AHCTF1: variants seen among roughly 807,000 people sequenced by gnomAD.
The protein encoded by AHCTF1 is AT-hook containing transcription factor 1, also known as protein ELYS.
AHCTF1 carries 24 observed loss-of-function variants against 248.4 expected under a neutral mutation model. The ratio of observed to expected loss-of-function variants is 0.10; its 90% CI spans 0.07 to 0.14. The LOEUF is 0.14. AHCTF1 is among the 10% of genes least tolerant of loss of function. The pLI, the probability that AHCTF1 is intolerant of heterozygous loss-of-function variation, is 1.00. For synonymous variants in AHCTF1, 786 were observed against 929.8 expected (o/e 0.85, Z 2.81); for missense variants, 2,206 against 2,636.2 (o/e 0.84, Z 3.57).
chr1:246,853,334 A>G lies in AHCTF1; in HGVS notation c.4355-35T>C, dbSNP rs78752151. ...AAATGAGTGAATTTTTTACATTTAA[A>G]CTGAAAAATAAATCCACACACAAGG... On this transcript the variant is annotated intron_variant, in intron 31 of 35. Transcript: ENST00000648844. 292 of 1,543,864 alleles carry G rather than the reference A, an allele frequency of 1.9e-4. 1 individual carries two copies. The East Asian group carries it at 6.5e-3, about 35-fold the overall frequency.
chr1:246,894,554 G>A (rs1002772384), intron 14 of AHCTF1, 105 bp downstream of exon 14: 21 of 940,374 alleles, frequency 2.2e-5, no homozygotes, highest in Non-Finnish European at 3.2e-5. Context: ...AAAAAGAAAA[G>A]AGTTTACAAC....
At chr1:246,894,343 C>T (rs1221497442) in intron 14 of AHCTF1, among the ~76,000 whole-genome samples, 2 of 152,160 alleles carry the variant, frequency 1.3e-5, no homozygotes, top group African/African-American at 4.8e-5. Flanking sequence ...GAGGCAGAGG[C>T]GGGCGGATCA....
chr1:246,904,142 T>G (rs1665217453), intron 6 of AHCTF1, 109 bp from the exon 7 acceptor site: 1 of 819,134 alleles, frequency 1.2e-6, no homozygotes, highest in African/African-American at 1.7e-5. Context: ...GTGACAAAAC[T>G]AAAATCACTG....
chr1:246,840,611 TAATATAA>T lies in AHCTF1; in HGVS notation c.*188_*194del, dbSNP rs1659789660. The T allele has an allele frequency of 2.9e-6, 1 of 348,196 alleles. No homozygotes were observed. The highest frequency in any genetic ancestry group is 2.1e-5 in the African/African-American group (1 of 47,032). The allele number at this position is 348,196 out of a possible 1,614,324, so 21.6% of individuals were successfully genotyped here. The stretch of plus-strand genomic sequence containing the variant: ...TTACATATATAAATGTATGAAGTCT[TAATATAA>T]AATAGAAAAATTGCCTGGACTGAAA... On this transcript the variant is annotated 3_prime_UTR_variant, in exon 36 of 36. Transcript: ENST00000648844.
chr1:246,911,860 A>G (rs1181416206), intron 4 of AHCTF1, among the ~76,000 whole-genome samples: 2 of 152,116 alleles, frequency 1.3e-5, no homozygotes, highest in Non-Finnish European at 2.9e-5. Context: ...CTGATTTTGC[A>G]TATTTAAGTT....
intron 31 of AHCTF1, among the ~76,000 whole-genome samples, chr1:246,855,230 A>C (rs374560518): frequency 1.3e-5 from 2 of 152,206 alleles, no homozygotes; most frequent in South Asian, 4.1e-4. Flanking sequence ...CCCTGAATCC[A>C]ACTGTAAGCT....
intron 12 of AHCTF1, among the ~76,000 whole-genome samples, chr1:246,896,902 ACT>A (rs1333163592): frequency 1.3e-5 from 2 of 152,164 alleles, no homozygotes; most frequent in African/African-American, 4.8e-5. Context: ...AGAAGGCATG[ACT>A]CTAAACGGAG....
At chr1:246,865,854 C>G (rs1661938321) in intron 26 of AHCTF1, among the ~76,000 whole-genome samples, 1 of 152,130 alleles carries the variant, frequency 6.6e-6, no homozygotes, top group Non-Finnish European at 1.5e-5. Flanking sequence ...TCTTTCAGAA[C>G]TAACCTTTTC....
intron 1 of AHCTF1, among the ~76,000 whole-genome samples, chr1:246,928,518 G>C (rs1487894124): frequency 6.6e-6 from 1 of 152,068 alleles, no homozygotes; most frequent in Non-Finnish European, 1.5e-5. Context: ...AAATAGGCAT[G>C]TTAAACAATA....
At chr1:246,862,898 G>A (rs1572381114) in intron 27 of AHCTF1, among the ~76,000 whole-genome samples, 1 of 152,292 alleles carries the variant, frequency 6.6e-6, no homozygotes, top group Non-Finnish European at 1.5e-5. Flanking sequence ...AAATTAGCAT[G>A]TAAATTTATT....
At chr1:246,842,990 TATC>T (rs1260173928) in intron 34 of AHCTF1, among the ~76,000 whole-genome samples, 5 of 152,310 alleles carry the variant, frequency 3.3e-5, no homozygotes, top group Non-Finnish European at 7.3e-5. Context: ...ATCTCCAAGT[TATC>T]ATCAGTTTTA....
At chr1:246,906,375 C>G (rs967870607) in intron 5 of AHCTF1, among the ~76,000 whole-genome samples, 1 of 151,448 alleles carries the variant, frequency 6.6e-6, no homozygotes, top group South Asian at 2.1e-4. Context: ...GTCAGGAGTT[C>G]GAGACCAGTC....
At chr1:246,905,351 A>T (rs1486529530) in intron 6 of AHCTF1, among the ~76,000 whole-genome samples, 190 bp downstream of exon 6, 1 of 152,138 alleles carries the variant, frequency 6.6e-6, no homozygotes, top group African/African-American at 2.4e-5. Context: ...TATAAAAATT[A>T]GCCAGGCATG....
At chr1:246,844,829 G>C (rs529098780) in intron 33 of AHCTF1, among the ~76,000 whole-genome samples, 1 of 149,238 alleles carries the variant, frequency 6.7e-6, no homozygotes, top group Non-Finnish European at 1.5e-5. Flanking sequence ...TTTAACTATA[G>C]GGCCCCCATA....
chr1:246,850,295 C>T lies in AHCTF1; in HGVS notation c.5711G>A (p.Arg1904Lys). 3 of 1,613,930 alleles carry T rather than the reference C, an allele frequency of 1.9e-6. No individual in the cohort carries two copies. Among genetic ancestry groups the T allele is most frequent in the Non-Finnish European group, 2.5e-6 (3 of 1,179,850 alleles). The change falls in exon 33 of 36, where the codon AGA becomes AAA. Residue 1904 changes from arginine to lysine, a missense_variant. This residue lies in a region of AHCTF1 where 469 missense variants were observed against 470.0 expected (regional missense o/e 1.00). Transcript: ENST00000648844. The stretch of plus-strand genomic sequence containing the variant: ...ATCTAAATTAGTACTTCTCAATTTT[C>T]TGATCATTCTGCTAGGACTTGTTAC... ...STVTSPSRMIRKLRSTNLDAS... is the reference protein window; with the variant it reads ...STVTSPSRMIKKLRSTNLDAS...
rs773513235 is a variant in AHCTF1, at chr1:246,853,240, T to C, written c.4414A>G (p.Ile1472Val). 28 of 1,613,772 alleles carry C rather than the reference T, an allele frequency of 1.7e-5. No homozygotes were observed. The East Asian group carries it at 1.8e-4, about 10-fold the overall frequency. ...TGGTTAAGCCTGCGCTCAGAGACAA[T>C]AGGACCTTCAGAGATAGTGAGCGAG... The part of the protein sequence containing the change: ...NSSLTISEGP[I>V]VSERRLNQEV... Residue 1472 changes from isoleucine (I) to valine (V), a missense_variant, in exon 32 of 36, where the codon ATT becomes GTT. Physicochemically the swap from Ile to Val is conservative, Grantham distance 29 (BLOSUM62 3). Around this residue, in one of 6 missense-constraint regions of AHCTF1, gnomAD observed 955 missense variants for 1,055.6 expected, o/e 0.90. Transcript: ENST00000648844.
chr1:246,900,497 CAG>C, intron 8 of AHCTF1, 28 bp from the exon 9 acceptor site: 1 of 1,574,142 alleles, frequency 6.4e-7, no homozygotes, highest in East Asian at 2.3e-5. Flanking sequence ...TTTTTAAAAA[CAG>C]AATAAAGAAT....
chr1:246,894,696 A>C lies in AHCTF1; in HGVS notation c.1767T>G (p.Asn589Lys), dbSNP rs1479958182. Residue 589 changes from asparagine (N) to lysine (K), a missense_variant, in exon 14 of 36, where the codon AAT becomes AAG. Around this residue, in one of 6 missense-constraint regions of AHCTF1, gnomAD observed 650 missense variants for 870.8 expected, o/e 0.75. Coordinates refer to ENST00000648844, the MANE Select transcript of AHCTF1 (RefSeq NM_001323342.2). ...ATTCCTCTTTTGTGAGAACCACTTT[A>C]TTCCACGTCCATTCAAGAACAAAGC... ...NLRFVLEWTW[N>K]KVVLTKEEFD... The C allele has an allele frequency of 1.9e-6, 3 of 1,613,658 alleles. No homozygotes were observed. Among genetic ancestry groups the C allele is most frequent in the African/African-American group, 1.3e-5 (1 of 75,054 alleles).
intron 35 of AHCTF1, among the ~76,000 whole-genome samples, chr1:246,841,407 G>C (rs769485815): frequency 6.6e-6 from 1 of 152,298 alleles, no homozygotes; most frequent in East Asian, 1.9e-4. Flanking sequence ...AAGATGCACA[G>C]AATTTCACAA....
Sources: allele counts gnomAD v4.1 joint callset (sites outside exome capture counted in the v4.1 genomes callset), GRCh38; gene constraint gnomAD v4.1.1; regional missense constraint gnomAD v4.1.1; transcripts MANE v1.5; gene names NCBI Gene and HGNC (gene_info 2026-07-23, HGNC 2026-07-21).